Variants in MRPL1 observed in about 807,000 individuals in gnomAD.
MRPL1 encodes large ribosomal subunit protein uL1m.
In MRPL1, 28 loss-of-function variants were observed where a neutral mutation model predicts 38.0. The observed-to-expected ratio is 0.74, with a 90% CI of 0.55 to 1.01. The LOEUF (loss-of-function observed/expected upper bound fraction) is 1.01, where lower values mean the gene tolerates loss of function less well. MRPL1 is among the 50% of genes least tolerant of loss of function. The probability of loss-of-function intolerance (pLI) is 0.00; values close to 1 mark genes in which losing one functional copy is unlikely to be tolerated. For missense variants in MRPL1, 358 were observed against 389.8 expected (o/e 0.92, Z 0.69); for synonymous variants, 123 against 126.7 (o/e 0.97, Z 0.20).
chr4:77,893,533 TATTA>T (rs1578045360), intron 5 of MRPL1, among the ~76,000 whole-genome samples: 1 of 151,976 alleles, frequency 6.6e-6, no homozygotes, highest in South Asian at 2.1e-4. Flanking sequence ...AAAAATTGAA[TATTA>T]ATTCCTTTGT....
At chr4:77,893,644 A>T (rs960508639) in intron 5 of MRPL1, among the ~76,000 whole-genome samples, 1 of 152,158 alleles carries the variant, frequency 6.6e-6, no homozygotes, top group African/African-American at 2.4e-5. Flanking sequence ...TGGTAAGGAA[A>T]ATTTCAGTTT....
At chr4:77,894,305 G>GTTTC in intron 6 of MRPL1, 55 bp downstream of exon 6, 2 of 1,118,844 alleles carry the variant, frequency 1.8e-6, no homozygotes, top group Non-Finnish European at 1.3e-6. Context: ...TGTGAACTTT[G>GTTTC]CTTAGTTAGG....
chr4:77,889,123 A>C (rs1735748731), intron 5 of MRPL1, among the ~76,000 whole-genome samples: 1 of 152,224 alleles, frequency 6.6e-6, no homozygotes, highest in Non-Finnish European at 1.5e-5. Flanking sequence ...GCTCTGCACC[A>C]AGCAGACCTA....
chr4:77,904,598 A>G (rs941345906), intron 6 of MRPL1, among the ~76,000 whole-genome samples: 1 of 152,104 alleles, frequency 6.6e-6, no homozygotes, highest in African/African-American at 2.4e-5. Context: ...GATTTTTAAA[A>G]GGAAGAACAC....
At chr4:77,893,966 T>C (rs1735860093) in intron 5 of MRPL1, among the ~76,000 whole-genome samples, 173 bp from the exon 6 acceptor site, 1 of 152,166 alleles carries the variant, frequency 6.6e-6, no homozygotes, top group South Asian at 2.1e-4. Flanking sequence ...ATGTTTTACT[T>C]CTGATGGTTT....
intron 6 of MRPL1, among the ~76,000 whole-genome samples, chr4:77,901,677 G>A (rs1736038939): frequency 6.6e-6 from 1 of 152,126 alleles, no homozygotes; most frequent in Admixed American, 6.5e-5. Flanking sequence ...ATAATAATAA[G>A]ACTCATCTTA....
chr4:77,868,307 T>A (rs1441964755), intron 1 of MRPL1, among the ~76,000 whole-genome samples: 4 of 152,234 alleles, frequency 2.6e-5, no homozygotes, highest in Admixed American at 2.0e-4. Context: ...AGTGGCTCAA[T>A]CTTGGCTCAC....
intron 5 of MRPL1, among the ~76,000 whole-genome samples, chr4:77,890,172 G>A (rs889236516): frequency 1.3e-5 from 2 of 151,866 alleles, no homozygotes; most frequent in South Asian, 2.1e-4. Context: ...GCAGAGACAC[G>A]ACAAAAAAAG....
chr4:77,886,823 C>T (rs1275483022), intron 4 of MRPL1, among the ~76,000 whole-genome samples: 1 of 124,820 alleles, frequency 8.0e-6, no homozygotes, highest in Non-Finnish European at 1.6e-5. Flanking sequence ...GATGGAGTCT[C>T]ACTCTGCCAC....
At chr4:77,933,273 G>A (rs772254925) in intron 7 of MRPL1, among the ~76,000 whole-genome samples, 19 of 152,256 alleles carry the variant, frequency 1.2e-4, no homozygotes, top group Admixed American at 5.2e-4. Flanking sequence ...TAGAGGAGCT[G>A]TAGTCACAAG....
chr4:77,919,851 G>A lies in MRPL1; in HGVS notation c.777+10479G>A, dbSNP rs1021707477. On this transcript the variant is annotated intron_variant, in intron 7 of 8. Coordinates refer to ENST00000315567, the MANE Select transcript of MRPL1 (RefSeq NM_020236.4). ...AGATCCATGTTATATATATATATAT[G>A]TGTGTGTGTGTGTGTGTTTTCTAGT... is the stretch of plus-strand genomic sequence containing the variant. Among the ~76,000 whole-genome samples the A allele has an allele frequency of 2.3e-4, 27 of 119,888 alleles. No individual in the cohort carries two copies. The East Asian group carries it at 2.9e-3, about 13-fold the overall frequency. 78.7% of individuals were successfully genotyped at this position (119,888 alleles called of 152,430 possible). A position where few individuals can be genotyped will look rare whatever the true frequency, so the allele number is the denominator to read the frequency against.
intron 8 of MRPL1, among the ~76,000 whole-genome samples, chr4:77,951,045 T>G (rs1737396824): frequency 6.6e-6 from 1 of 152,158 alleles, no homozygotes; most frequent in Non-Finnish European, 1.5e-5. Context: ...AATTTTTGTA[T>G]TTTTAGTAGC....
At chr4:77,868,248 G>GT (rs574845143) in intron 1 of MRPL1, among the ~76,000 whole-genome samples, 23 of 147,246 alleles carry the variant, frequency 1.6e-4, no homozygotes, top group African/African-American at 3.0e-4. Context: ...TGTATATTTT[G>GT]TTTTTTTTTC....
chr4:77,912,567 A>G (rs1736314438), intron 7 of MRPL1, among the ~76,000 whole-genome samples: 1 of 152,186 alleles, frequency 6.6e-6, no homozygotes, highest in Admixed American at 6.5e-5. Context: ...ATCTAAATAA[A>G]TGGTGACTAT....
intron 7 of MRPL1, among the ~76,000 whole-genome samples, chr4:77,914,914 TG>T (rs1158797843): frequency 6.6e-6 from 1 of 152,196 alleles, no homozygotes; most frequent in Non-Finnish European, 1.5e-5. Flanking sequence ...GGCCTGTTTT[TG>T]TATAGCCTGT....
chr4:77,908,487 C>G (rs1736211627), intron 6 of MRPL1: 1 of 152,316 alleles, frequency 6.6e-6, no homozygotes, highest in South Asian at 2.1e-4. Flanking sequence ...CCTGCCTCGG[C>G]CTTCCAAAGT....
At chr4:77,913,634 C>T (rs973817184) in intron 7 of MRPL1, among the ~76,000 whole-genome samples, 4 of 152,146 alleles carry the variant, frequency 2.6e-5, no homozygotes, top group African/African-American at 9.7e-5. Context: ...TGCTATTCCA[C>T]TTTTAGATAC....
At chr4:77,876,340 C>T (rs1266903582) in intron 2 of MRPL1, among the ~76,000 whole-genome samples, 2 of 152,140 alleles carry the variant, frequency 1.3e-5, no homozygotes, top group Non-Finnish European at 2.9e-5. Flanking sequence ...TTTCTCTCTG[C>T]TCTGTAAACA....
At chr4:77,892,639 G>C (rs1735832087) in intron 5 of MRPL1, among the ~76,000 whole-genome samples, 1 of 152,046 alleles carries the variant, frequency 6.6e-6, no homozygotes, top group Admixed American at 6.6e-5. Context: ...TAATTTAAAG[G>C]AACATGTCAT....
Sources: gnomAD v4.1 joint callset for allele counts (sites outside exome capture counted in the v4.1 genomes callset) on GRCh38, gnomAD v4.1.1 for gene constraint, MANE v1.5 for transcripts, NCBI Gene and HGNC (gene_info 2026-07-23, HGNC 2026-07-21) for gene names.